STAG2: variants seen among roughly 807,000 people sequenced by gnomAD.
STAG2 encodes STAG2 cohesin complex component, also known as cohesin subunit SA-2.
In STAG2, 14 loss-of-function variants were observed where a neutral mutation model predicts 108.1. The ratio of observed to expected loss-of-function variants is 0.13; its 90% CI spans 0.09 to 0.20. The LOEUF is 0.20. Among genes scored for constraint, STAG2 ranks in the 10% least tolerant of loss-of-function variants. The pLI is 1.00. For missense variants in STAG2, 440 were observed against 940.9 expected, an observed-to-expected ratio of 0.47 and a Z score of 6.96; for synonymous variants, 307 against 302.7, an observed-to-expected ratio of 1.01 and a Z score of -0.15.
intron 1 of STAG2, among the ~76,000 whole-genome samples, chrX:123,993,568 T>A (rs1165312405): frequency 9.0e-6 from 1 of 110,894 alleles, no homozygotes; most frequent in African/African-American, 3.3e-5. Context: ...TTCAGATGAT[T>A]AAGTGGCCCA....
intron 30 of STAG2, among the ~76,000 whole-genome samples, chrX:124,089,691 A>G (rs1330461216): frequency 8.9e-6 from 1 of 111,912 alleles, no homozygotes; most frequent in African/African-American, 3.3e-5. Flanking sequence ...AACCTTCAGC[A>G]GCAGTTCCCT....
At chrX:124,066,333 G>GTATC (rs1569516529) in intron 22 of STAG2, 23 bp from the exon 23 acceptor site, 2 of 1,193,547 alleles carry the variant, frequency 1.7e-6, no homozygotes. Context: ...AATTTTAACT[G>GTATC]TATCCTTTGA....
chrX:123,972,909 C>T (rs1310185051), intron 1 of STAG2, among the ~76,000 whole-genome samples: 1 of 93,733 alleles, frequency 1.1e-5, no homozygotes, highest in Non-Finnish European at 2.1e-5. Context: ...ATCAGCCTGG[C>T]GTGGTGGCGC....
chrX:123,962,503 C>T (rs1460859206), intron 1 of STAG2, among the ~76,000 whole-genome samples: 1 of 110,987 alleles, frequency 9.0e-6, no homozygotes, highest in East Asian at 2.8e-4. Context: ...CTTCAGTGCT[C>T]GGCTTTAATT....
At chrX:123,991,695 G>A (rs1391537410) in intron 1 of STAG2, among the ~76,000 whole-genome samples, 3 of 97,350 alleles carry the variant, frequency 3.1e-5, no homozygotes, top group African/African-American at 7.8e-5. Flanking sequence ...ACAGAGTTTC[G>A]CTCTTGTTGC....
In STAG2 at chrX:124,074,714, T is replaced by C. The variant is rs181970558; in HGVS notation, c.2534-1618T>C. Among the ~76,000 whole-genome samples the C allele has an allele frequency of 1.3e-4, 15 of 111,931 alleles. No individual in the cohort carries two copies. In the East Asian group the frequency reaches 2.5e-3, roughly 19 times the overall value. ...TAATAATAATGGCAGCTGACACTTA[T>C]GAAAGGCCCAGTGTGTTAGGTACTT... On this transcript the variant is annotated intron_variant, in intron 25 of 34. Transcript: ENST00000371145.
At chrX:124,035,796 A>T (rs2057499207) in intron 5 of STAG2, among the ~76,000 whole-genome samples, 1 of 111,887 alleles carries the variant, frequency 8.9e-6, no homozygotes, top group Non-Finnish European at 1.9e-5. Context: ...CTGGGTTTGG[A>T]GAGAATGTCC....
At chrX:124,032,147 A>C (rs900304268) in intron 5 of STAG2, among the ~76,000 whole-genome samples, 1 of 112,177 alleles carries the variant, frequency 8.9e-6, no homozygotes, top group Non-Finnish European at 1.9e-5. Context: ...GATGCCATTA[A>C]AATACGAAGT....
In STAG2 at chrX:124,101,379, C is replaced by T. The variant is rs2148538766; in HGVS notation, c.*782C>T. The stretch of plus-strand genomic sequence containing the variant: ...CCAGTAATGCCACTGTATTTTGTCT[C>T]CAAATAAAAGAAGCTTATTGTAGTA... On this transcript the variant is annotated 3_prime_UTR_variant, in exon 35 of 35. Transcript: ENST00000371145. The T allele has an allele frequency of 6.5e-6, 1 of 153,824 alleles. No individual in the cohort carries two copies. The highest frequency in any genetic ancestry group is 8.6e-5 in the Admixed American group (1 of 11,634). The allele number at this position is 153,824 out of a possible 1,213,427, so 12.7% of individuals were successfully genotyped here. A position where few individuals can be genotyped will look rare whatever the true frequency, so the allele number is the denominator to read the frequency against.
intron 6 of STAG2, among the ~76,000 whole-genome samples, chrX:124,041,554 T>C (rs2057720537): frequency 9.0e-6 from 1 of 111,508 alleles, no homozygotes; most frequent in Admixed American, 9.6e-5. Context: ...TTCTTTTAGA[T>C]ATTACTATAT....
At chrX:124,075,747 G>A in intron 25 of STAG2, among the ~76,000 whole-genome samples, 1 of 111,252 alleles carries the variant, frequency 9.0e-6, no homozygotes, top group Middle Eastern at 4.7e-3. Flanking sequence ...AGGCTGCAGT[G>A]GGGCTTCCCT....
chrX:124,012,863 T>C (rs373597798), intron 1 of STAG2, among the ~76,000 whole-genome samples: 5 of 111,867 alleles, frequency 4.5e-5, no homozygotes, highest in Non-Finnish European at 7.5e-5. Flanking sequence ...TTAATAAAAA[T>C]TCAGTAATTC....
intron 1 of STAG2, among the ~76,000 whole-genome samples, chrX:124,005,826 AGTC>A (rs2056258804): frequency 9.0e-6 from 1 of 111,398 alleles, no homozygotes; most frequent in East Asian, 2.8e-4. Flanking sequence ...GGAGGCAAGA[AGTC>A]CAAGATCAAG....
intron 8 of STAG2, 86 bp from the exon 9 acceptor site, chrX:124,047,266 TTC>T (rs1476733302): frequency 1.2e-6 from 1 of 816,806 alleles, no homozygotes; most frequent in African/African-American, 2.1e-5. Flanking sequence ...ATTAGCTCAT[TTC>T]TGCTTAATAT....
chrX:124,057,794 AAC>A (rs2058249581), intron 14 of STAG2, 70 bp from the exon 15 acceptor site: 2 of 669,101 alleles, frequency 3.0e-6, no homozygotes, highest in South Asian at 7.3e-5. Context: ...ATGAAATTGA[AAC>A]AGTTAATTTT....
rs2058657454 is a variant in STAG2 at position 124,071,311 on chromosome X, A to G, written c.2521A>G (p.Asn841Asp). The change falls in exon 25 of 35, where the codon AAT becomes GAT. Residue 841 changes from asparagine (N) to aspartate (D), a missense_variant. By Grantham distance (23) the Asn-to-Asp change is conservative. Transcript: ENST00000371145. ...DHVFIEQDDD[N>D]NSADGQQEDE... ...TGTCTTCATTGAACAGGATGATGATAATAATAGTGCAGGTAATTTTATTGC... is the reference window on the plus strand; with the variant it reads ...TGTCTTCATTGAACAGGATGATGATGATAATAGTGCAGGTAATTTTATTGC... 2 of 1,178,626 alleles carry G rather than the reference A, an allele frequency of 1.7e-6. No individual in the cohort carries two copies. Among genetic ancestry groups the G allele is most frequent in the Non-Finnish European group, 2.3e-6 (2 of 881,729 alleles).
In STAG2 at chrX:123,989,251, C is replaced by T. The variant is rs774516979; in HGVS notation, c.-163+27395C>T. Reference sequence around the variant, plus strand: ...TAAAAATAATGATCCCTGCCCATAGCAAAAATTTAGTACAAAAGGGGTATA... The same window carrying T: ...TAAAAATAATGATCCCTGCCCATAGTAAAAATTTAGTACAAAAGGGGTATA... On this transcript the variant is annotated intron_variant, in intron 1 of 34. Coordinates refer to ENST00000371145, the MANE Select transcript of STAG2 (RefSeq NM_001042750.2). Among the ~76,000 whole-genome samples, 5 of 111,625 alleles carry T rather than the reference C, an allele frequency of 4.5e-5. No individual in the cohort carries two copies. The East Asian group carries it at 1.1e-3, about 25-fold the overall frequency.
At chrX:124,086,816 C>A (rs775480295) in intron 30 of STAG2, 46 bp downstream of exon 30, 1 of 968,002 alleles carries the variant, frequency 1.0e-6, no homozygotes. Flanking sequence ...TAATGTTTAC[C>A]AACTGAATTG....
At chrX:123,964,688 T>C (rs372262685) in intron 1 of STAG2, among the ~76,000 whole-genome samples, 1 of 108,149 alleles carries the variant, frequency 9.2e-6, no homozygotes, top group Non-Finnish European at 1.9e-5. Context: ...TTCTAAGGTG[T>C]ATCAGAGACT....
Sources: gnomAD v4.1 joint callset for allele counts (sites outside exome capture counted in the v4.1 genomes callset) on GRCh38, gnomAD v4.1.1 for gene constraint, MANE v1.5 for transcripts, NCBI Gene and HGNC (gene_info 2026-07-23, HGNC 2026-07-21) for gene names.